The following THNSL1 variants were observed in gnomAD, a reference collection of about 807,000 sequenced individuals.
THNSL1 encodes threonine synthase-like 1.
Under a neutral mutation model 50.4 loss-of-function variants are expected in THNSL1, and 48 were observed. The ratio of observed to expected loss-of-function variants is 0.95; its 90% confidence interval spans 0.76 to 1.21. THNSL1 has a LOEUF of 1.21. Ranked by LOEUF, THNSL1 falls within the 50% of genes most tolerant of loss-of-function variation. The pLI is 0.00. For missense variants in THNSL1, 896 were observed against 871.7 expected, an observed-to-expected ratio of 1.03 and a Z score of -0.35; for synonymous variants, 309 against 306.1, an observed-to-expected ratio of 1.01 and a Z score of -0.10.
chr10:24,977,804 A>G, the THNSL1 span, among the ~76,000 whole-genome samples: 1 of 152,226 alleles, frequency 6.6e-6, no homozygotes, highest in Non-Finnish European at 1.5e-5. Context: ...TACATTAAAA[A>G]TTGATAACAT....
chr10:24,952,621 C>G, the THNSL1 span: 6 of 1,369,936 alleles, frequency 4.4e-6, no homozygotes, highest in Admixed American at 1.4e-4. The surrounding 1 kb of genome is among the most constrained non-coding windows in gnomAD (Gnocchi z 5.1). Flanking sequence ...CGGGAAGGAG[C>G]AGGGAGGGCG....
At chr10:25,003,262 A>G in the THNSL1 span, among the ~76,000 whole-genome samples, 1 of 151,860 alleles carries the variant, frequency 6.6e-6, no homozygotes, top group Admixed American at 6.6e-5. Flanking sequence ...GCTGGAGTGC[A>G]GTGGTGTGAT....
chr10:24,955,181 C>G, the THNSL1 span, among the ~76,000 whole-genome samples: 1 of 152,136 alleles, frequency 6.6e-6, no homozygotes, highest in African/African-American at 2.4e-5. Context: ...GTGCCACATA[C>G]TTTTAAACCA....
chr10:24,991,074 G>A, the THNSL1 span, among the ~76,000 whole-genome samples: 18 of 152,196 alleles, frequency 1.2e-4, no homozygotes, highest in African/African-American at 4.1e-4. Context: ...TCCAGCCTGG[G>A]TGTCAGAGTG....
the THNSL1 span, chr10:24,983,140 G>C: frequency 6.6e-6 from 1 of 152,196 alleles, no homozygotes; most frequent in Admixed American, 6.5e-5. Context: ...GCATGGAACA[G>C]ACTTATACCC....
the THNSL1 span, among the ~76,000 whole-genome samples, chr10:24,996,375 T>A: frequency 6.6e-6 from 1 of 152,134 alleles, no homozygotes; most frequent in Non-Finnish European, 1.5e-5. Context: ...TGAACCGAGA[T>A]CATGCCATTG....
the THNSL1 span, chr10:24,952,492 G>A: frequency 1.3e-6 from 2 of 1,561,074 alleles, no homozygotes; most frequent in Non-Finnish European, 1.7e-6. This position sits in a 1 kb window ranked among gnomAD's most constrained non-coding sequence, Gnocchi z 5.1. Context: ...AGGGAGGGGA[G>A]CGGGCCGAGC....
At chr10:25,015,909 T>C (rs777847323), upstream of THNSL1, 22 of 1,608,406 alleles carry the variant, frequency 1.4e-5, no homozygotes, top group Middle Eastern at 3.3e-4. Context: ...AGGTTATAAA[T>C]GCACTCAGAA....
the THNSL1 span, among the ~76,000 whole-genome samples, chr10:25,004,239 GGCATGCATGTGTCTTTATAATAGAACA>G: frequency 6.6e-6 from 1 of 152,136 alleles, no homozygotes; most frequent in Admixed American, 6.5e-5. Flanking sequence ...AATGAACCTA[GGCATGCATGTGTCTTTATAATAGAACA>G]ATTTCTATTC....
At chr10:24,955,299 C>T in the THNSL1 span, among the ~76,000 whole-genome samples, 156 of 152,316 alleles carry the variant, frequency 1.0e-3, no homozygotes, top group Non-Finnish European at 1.4e-3. Context: ...CTGGGAATTA[C>T]AATTCAACAT....
the THNSL1 span, among the ~76,000 whole-genome samples, chr10:24,978,230 T>C: frequency 6.6e-6 from 1 of 152,142 alleles, no homozygotes; most frequent in Non-Finnish European, 1.5e-5. Flanking sequence ...GACAAAAAAA[T>C]GCTATTCCCT....
At chr10:25,015,059 G>A (rs1850534924), upstream of THNSL1, among the ~76,000 whole-genome samples, 1 of 152,170 alleles carries the variant, frequency 6.6e-6, no homozygotes, top group Admixed American at 6.5e-5. Context: ...AAGGATGATG[G>A]TAAAAGACAG....
At chr10:24,961,994 T>C in the THNSL1 span, among the ~76,000 whole-genome samples, 4 of 152,232 alleles carry the variant, frequency 2.6e-5, no homozygotes, top group African/African-American at 9.6e-5. Context: ...TACAGAGTGC[T>C]GAGTACCTAA....
the THNSL1 span, chr10:24,984,741 G>A: frequency 6.2e-7 from 1 of 1,605,566 alleles, no homozygotes; most frequent in Non-Finnish European, 8.5e-7. Flanking sequence ...CTTACTTATT[G>A]GCAATATAAA....
At chr10:24,984,029 G>A in the THNSL1 span, 1 of 243,944 alleles carries the variant, frequency 4.1e-6, no homozygotes, top group South Asian at 1.7e-4. Flanking sequence ...AGTGAGTTGT[G>A]GAATAAAATA....
the THNSL1 span, among the ~76,000 whole-genome samples, chr10:25,006,954 A>C: frequency 6.6e-6 from 1 of 152,240 alleles, no homozygotes; most frequent in African/African-American, 2.4e-5. Flanking sequence ...AATAACTGGC[A>C]CGTTTTAAAT....
At chr10:25,007,095 CA>C in the THNSL1 span, among the ~76,000 whole-genome samples, 2 of 152,170 alleles carry the variant, frequency 1.3e-5, no homozygotes, top group African/African-American at 4.8e-5. Flanking sequence ...TCCTGGCAGA[CA>C]CAGTCTTATT....
chr10:24,981,491 T>C, the THNSL1 span, among the ~76,000 whole-genome samples: 1 of 152,322 alleles, frequency 6.6e-6, no homozygotes, highest in East Asian at 1.9e-4. Flanking sequence ...CTGGAACTTC[T>C]AAGTGGTTCA....
At chr10:24,984,111 T>A in the THNSL1 span, 2 of 401,426 alleles carry the variant, frequency 5.0e-6, no homozygotes, top group Non-Finnish European at 8.9e-6. Flanking sequence ...CTTTATAAGT[T>A]GTCATCTTGA....
Sources: gnomAD v4.1 joint callset for allele counts (sites outside exome capture counted in the v4.1 genomes callset) on GRCh38, gnomAD v4.1.1 for gene constraint, Gnocchi (gnomAD v3.1) non-coding constraint, MANE v1.5 for transcripts, NCBI Gene and HGNC (gene_info 2026-07-23, HGNC 2026-07-21) for gene names.